The following DIP2B variants were observed in gnomAD, a reference collection of about 807,000 sequenced individuals.
The protein encoded by DIP2B is DIP2 acetate--CoA ligase B (putative).
A neutral mutation model predicts 198.0 loss-of-function variants in DIP2B; 76 were observed. That is an observed-to-expected ratio of 0.38 (90% CI 0.32 to 0.46). The LOEUF is 0.46. Ranked by LOEUF, DIP2B falls within the 20% of genes least tolerant of loss-of-function variation. The probability of loss-of-function intolerance (pLI) is 0.99; values close to 1 mark genes in which losing one functional copy is unlikely to be tolerated. For synonymous variants in DIP2B, 701 were observed against 739.1 expected, an observed-to-expected ratio of 0.95 and a Z score of 0.84; for missense variants, 1,559 against 1,978.4, an observed-to-expected ratio of 0.79 and a Z score of 4.02.
At chr12:50,663,425 C>CG (rs1179921178) in intron 4 of DIP2B, among the ~76,000 whole-genome samples, 1 of 151,020 alleles carries the variant, frequency 6.6e-6, no homozygotes, top group African/African-American at 2.4e-5. Flanking sequence ...GGCGTGGTGG[C>CG]AGCGCCTGTA....
At chr12:50,533,806 T>C (rs1958239881) in intron 1 of DIP2B, among the ~76,000 whole-genome samples, 1 of 152,056 alleles carries the variant, frequency 6.6e-6, no homozygotes, top group Non-Finnish European at 1.5e-5. Flanking sequence ...TAGGCTGGTC[T>C]TGAACTCCTG....
At chr12:50,631,485 A>G (rs1243029029) in intron 2 of DIP2B, among the ~76,000 whole-genome samples, 1 of 152,004 alleles carries the variant, frequency 6.6e-6, no homozygotes, top group East Asian at 1.9e-4. Flanking sequence ...TCGGCCTCCC[A>G]AAGAGGTGGG....
chr12:50,549,257 A>C (rs1248214731), intron 1 of DIP2B, among the ~76,000 whole-genome samples: 1 of 151,940 alleles, frequency 6.6e-6, no homozygotes, highest in African/African-American at 2.4e-5. Context: ...TCACAAGGTC[A>C]AGAGATCAAG....
intron 1 of DIP2B, among the ~76,000 whole-genome samples, chr12:50,520,185 G>T (rs1464186139): frequency 1.3e-5 from 2 of 151,854 alleles, no homozygotes; most frequent in Non-Finnish European, 2.9e-5. Flanking sequence ...CTACAGGTGT[G>T]CACCACCATG....
intron 1 of DIP2B, among the ~76,000 whole-genome samples, chr12:50,512,044 C>A (rs1958022217): frequency 6.6e-6 from 1 of 151,468 alleles, no homozygotes; most frequent in African/African-American, 2.4e-5. Flanking sequence ...CTTGGCTCCC[C>A]CAAAGTGCTG....
rs1338936344 is a variant in DIP2B, at chr12:50,560,771, A to T, written c.100+55531A>T. Among the ~76,000 whole-genome samples the T allele has an allele frequency of 2.0e-5, 3 of 152,240 alleles. No homozygotes were observed. In the East Asian group the frequency reaches 5.8e-4, roughly 29 times the overall value. On this transcript the variant is annotated intron_variant, in intron 1 of 37. Coordinates refer to ENST00000301180, the MANE Select transcript of DIP2B (RefSeq NM_173602.3). ...GTCTCAAAAAAAAATAAATAAATAAAAAAGTCTTTCTCAAATTATATTCTG... is the reference window on the plus strand; with the variant it reads ...GTCTCAAAAAAAAATAAATAAATAATAAAGTCTTTCTCAAATTATATTCTG...
chr12:50,541,012 A>T lies in DIP2B; in HGVS notation c.100+35772A>T, dbSNP rs1456427887. Among the ~76,000 whole-genome samples, 3 of 152,140 alleles carry T rather than the reference A, an allele frequency of 2.0e-5. No individual in the cohort carries two copies. The South Asian group carries it at 6.2e-4, about 31-fold the overall frequency. On this transcript the variant is annotated intron_variant, in intron 1 of 37. Transcript: ENST00000301180. ...CTTTGTGTTTTCCATAGTTTCTTCAATGCACTTAGTTTTATATTCTAGAAT... is the reference window on the plus strand; with the variant it reads ...CTTTGTGTTTTCCATAGTTTCTTCATTGCACTTAGTTTTATATTCTAGAAT...
chr12:50,552,217 T>C (rs1285203107), intron 1 of DIP2B, among the ~76,000 whole-genome samples: 1 of 152,148 alleles, frequency 6.6e-6, no homozygotes, highest in Non-Finnish European at 1.5e-5. Flanking sequence ...GTTCAGATCC[T>C]TTGCCCGTTT....
At position 50,741,461 on chromosome 12, in the gene DIP2B, T is replaced by G; in HGVS notation, c.4400T>G (p.Leu1467Arg). ...LYVVGALDET[L>R]ELRGLRYHPI... The stretch of plus-strand genomic sequence containing the variant: ...GTGGTGGGAGCGCTGGATGAAACAC[T>G]GGAGCTGAGAGGATTACGATACCAC... The change falls in exon 37 of 38, where the codon CTG becomes CGG. Residue 1467 changes from leucine to arginine, a missense_variant. By Grantham distance (102) the Leu-to-Arg change is moderately radical (BLOSUM62 -2). Coordinates refer to ENST00000301180, the MANE Select transcript of DIP2B (RefSeq NM_173602.3). The G allele has an allele frequency of 6.2e-7, 1 of 1,614,154 alleles. No individual in the cohort carries two copies. Among genetic ancestry groups the G allele is most frequent in the Non-Finnish European group, 8.5e-7 (1 of 1,180,016 alleles).
At chr12:50,506,003 G>C (rs1957965579) in intron 1 of DIP2B, among the ~76,000 whole-genome samples, 1 of 151,672 alleles carries the variant, frequency 6.6e-6, no homozygotes, top group African/African-American at 2.4e-5. Flanking sequence ...CAATGGATTG[G>C]GACAGGGAGG....
intron 29 of DIP2B, 50 bp from the exon 30 acceptor site, chr12:50,728,498 C>G: frequency 6.3e-7 from 1 of 1,580,594 alleles, no homozygotes; most frequent in Non-Finnish European, 8.6e-7. Context: ...AGCTGTTACT[C>G]TGCCTGTGGG....
intron 1 of DIP2B, among the ~76,000 whole-genome samples, chr12:50,595,705 C>T (rs1364306757): frequency 1.3e-5 from 2 of 152,320 alleles, no homozygotes; most frequent in African/African-American, 2.4e-5. Context: ...AGTTTTCTTA[C>T]TTTGTGACAG....
intron 7 of DIP2B, among the ~76,000 whole-genome samples, chr12:50,677,106 T>C (rs969277089): frequency 4.6e-5 from 7 of 152,224 alleles, no homozygotes; most frequent in Non-Finnish European, 8.8e-5. Flanking sequence ...CCCTTCTCCC[T>C]TCCGTGCCTC....
At chr12:50,556,875 A>C (rs1412797287) in intron 1 of DIP2B, among the ~76,000 whole-genome samples, 1 of 152,078 alleles carries the variant, frequency 6.6e-6, no homozygotes, top group African/African-American at 2.4e-5. Context: ...ACACCCAGCA[A>C]ATTTTTGTAT....
Position 50,744,446 on chromosome 12 carries a change from A to G in DIP2B, c.4479-141A>G, listed in dbSNP as rs79731691. 6 of 1,070,524 alleles carry G rather than the reference A, an allele frequency of 5.6e-6. No individual in the cohort carries two copies. In the South Asian group the frequency reaches 9.4e-5, roughly 17 times the overall value. 66.3% of individuals were successfully genotyped at this position (1,070,524 alleles called of 1,614,324 possible). A position where few individuals can be genotyped will look rare whatever the true frequency, so the allele number is the denominator to read the frequency against. On this transcript the variant is annotated intron_variant, in intron 37 of 37. Coordinates refer to ENST00000301180, the MANE Select transcript of DIP2B (RefSeq NM_173602.3). ...TTATCAGGTAAAATTGAAAGGTGTC[A>G]TATATGGTAGACATGACTGCTGACG...
intron 10 of DIP2B, among the ~76,000 whole-genome samples, chr12:50,683,675 C>T (rs771224428): frequency 2.6e-5 from 4 of 151,866 alleles, no homozygotes; most frequent in Non-Finnish European, 5.9e-5. Flanking sequence ...CCCAGCTACT[C>T]GGGAGGCTGA....
chr12:50,643,405 C>CTGTGTGTG (rs57483938), intron 3 of DIP2B, among the ~76,000 whole-genome samples: 1,526 of 131,118 alleles, frequency 0.012, 18 homozygotes, highest in East Asian at 0.034. Context: ...GGGAGTTTTT[C>CTGTGTGTG]TGTGTGTGTG....
intron 3 of DIP2B, among the ~76,000 whole-genome samples, chr12:50,644,778 A>G (rs1041730306): frequency 6.6e-6 from 1 of 152,238 alleles, no homozygotes. Context: ...ATTACTAATT[A>G]TCCAAATGTT....
At chr12:50,575,331 T>C (rs776523211) in intron 1 of DIP2B, among the ~76,000 whole-genome samples, 1 of 152,160 alleles carries the variant, frequency 6.6e-6, no homozygotes, top group African/African-American at 2.4e-5. Context: ...TTTTCATTAG[T>C]TTAAGCTAGA....
Sources: allele counts gnomAD v4.1 joint callset (sites outside exome capture counted in the v4.1 genomes callset), GRCh38; gene constraint gnomAD v4.1.1; transcripts MANE v1.5; gene names NCBI Gene and HGNC (gene_info 2026-07-23, HGNC 2026-07-21).